The following RBPJ variants were observed in gnomAD, a reference collection of about 807,000 sequenced individuals.
RBPJ encodes the protein recombination signal binding protein for immunoglobulin kappa J region.
Under a neutral mutation model 67.8 loss-of-function variants are expected in RBPJ, and 9 were observed. That is an observed-to-expected ratio of 0.13 (90% CI 0.08 to 0.23). The LOEUF is 0.23. Among genes scored for constraint, RBPJ ranks in the 10% least tolerant of loss-of-function variants. RBPJ has a pLI of 1.00. For synonymous variants in RBPJ, 198 were observed against 203.3 expected (o/e 0.97, Z 0.22); for missense variants, 305 against 595.6 (o/e 0.51, Z 5.08).
At chr4:26,204,143 T>C (rs547045298) in intron 1 of RBPJ, among the ~76,000 whole-genome samples, 1 of 152,242 alleles carries the variant, frequency 6.6e-6, no homozygotes, top group Non-Finnish European at 1.5e-5. Flanking sequence ...TGGGGGGGTC[T>C]CACCATGTTG....
intron 1 of RBPJ, among the ~76,000 whole-genome samples, chr4:26,218,587 G>A (rs1044084547): frequency 2.0e-5 from 3 of 152,196 alleles, no homozygotes; most frequent in South Asian, 2.1e-4. Flanking sequence ...TGTTATTACT[G>A]TTGTGGCTGT....
intron 1 of RBPJ, among the ~76,000 whole-genome samples, chr4:26,265,395 A>G (rs747520508): frequency 6.6e-6 from 1 of 151,804 alleles, no homozygotes; most frequent in Non-Finnish European, 1.5e-5. Flanking sequence ...CAGGCGTGGT[A>G]GTGGGCATCT....
chr4:26,257,502 G>A (rs1459180764), intron 1 of RBPJ, among the ~76,000 whole-genome samples: 1 of 152,196 alleles, frequency 6.6e-6, no homozygotes, highest in Non-Finnish European at 1.5e-5. Context: ...GGTGGTGCAT[G>A]CCTGTAATCC....
the RBPJ span, among the ~76,000 whole-genome samples, chr4:26,116,322 G>A: frequency 6.6e-6 from 1 of 152,234 alleles, no homozygotes; most frequent in Non-Finnish European, 1.5e-5. Context: ...TCATTATATG[G>A]AATGCCCGGT....
chr4:26,134,297 G>T, the RBPJ span, among the ~76,000 whole-genome samples: 1 of 152,190 alleles, frequency 6.6e-6, no homozygotes, highest in Non-Finnish European at 1.5e-5. Flanking sequence ...CCTTTCTGCA[G>T]TTCTCATCTA....
At chr4:26,224,091 T>C (rs1033803466) in intron 1 of RBPJ, among the ~76,000 whole-genome samples, 2 of 152,202 alleles carry the variant, frequency 1.3e-5, no homozygotes, top group African/African-American at 4.8e-5. Flanking sequence ...ATTATTAGTA[T>C]TGATATTGGT....
chr4:26,367,432 T>A (rs962533071), intron 1 of RBPJ, among the ~76,000 whole-genome samples: 14 of 152,170 alleles, frequency 9.2e-5, no homozygotes, highest in Non-Finnish European at 7.3e-5. Flanking sequence ...ATCATGGCAC[T>A]ACACTCCAGC....
At chr4:26,303,879 A>T (rs1209211772) in intron 1 of RBPJ, among the ~76,000 whole-genome samples, 1 of 152,198 alleles carries the variant, frequency 6.6e-6, no homozygotes, top group Non-Finnish European at 1.5e-5. Flanking sequence ...AGTTTCATTG[A>T]GATGCACTTC....
the RBPJ span, among the ~76,000 whole-genome samples, chr4:26,145,725 G>A: frequency 2.0e-5 from 3 of 152,156 alleles, no homozygotes; most frequent in Non-Finnish European, 4.4e-5. Context: ...AGAAAAGGAC[G>A]ATTATTTAAT....
At chr4:26,256,942 C>T (rs1720361391) in intron 1 of RBPJ, among the ~76,000 whole-genome samples, 1 of 152,154 alleles carries the variant, frequency 6.6e-6, no homozygotes, top group South Asian at 2.1e-4. Flanking sequence ...TCTCATCACT[C>T]TATGCGTTTA....
intron 1 of RBPJ, among the ~76,000 whole-genome samples, chr4:26,336,969 T>TC (rs1724901229): frequency 6.6e-6 from 1 of 151,284 alleles, no homozygotes; most frequent in African/African-American, 2.4e-5. Flanking sequence ...TTGTTTAGCG[T>TC]TTTTTGTTTG....
intron 1 of RBPJ, among the ~76,000 whole-genome samples, chr4:26,325,227 C>T (rs910461946): frequency 3.3e-5 from 5 of 152,150 alleles, no homozygotes; most frequent in East Asian, 3.8e-4. Flanking sequence ...TCCTCACTGC[C>T]GAAGTTCATG....
chr4:26,348,636 A>G (rs763620843), intron 1 of RBPJ, among the ~76,000 whole-genome samples: 1 of 152,226 alleles, frequency 6.6e-6, no homozygotes, highest in Non-Finnish European at 1.5e-5. Context: ...GTATTTTGAT[A>G]AAGTTGAGGT....
rs1424086026 is a variant in RBPJ, at chr4:26,312,096, G to A, written c.-166-50350G>A. ...TTGATTTTGATGCCCACTAAGTTCTGAGGACCACAGCTCTACCAGGGCCTT... is the reference window on the plus strand; with the variant it reads ...TTGATTTTGATGCCCACTAAGTTCTAAGGACCACAGCTCTACCAGGGCCTT... On this transcript the variant is annotated intron_variant, in intron 1 of 4. Coordinates refer to the RBPJ transcript ENST00000512351. Among the ~76,000 whole-genome samples, 2 of 152,078 alleles carry A rather than the reference G, an allele frequency of 1.3e-5. 1 individual carries two copies. The highest frequency in any genetic ancestry group is 2.9e-5 in the Non-Finnish European group (2 of 68,008).
At chr4:26,229,007 A>G (rs1170868773) in intron 1 of RBPJ, among the ~76,000 whole-genome samples, 1 of 152,206 alleles carries the variant, frequency 6.6e-6, no homozygotes, top group East Asian at 1.9e-4. Context: ...AAGTCACAGG[A>G]GCCTTAGAGC....
intron 1 of RBPJ, among the ~76,000 whole-genome samples, chr4:26,347,622 A>G (rs554422066): frequency 2.0e-5 from 3 of 152,078 alleles, no homozygotes; most frequent in Non-Finnish European, 4.4e-5. Context: ...GGAGTATGCA[A>G]CTCTTTTAAG....
At chr4:26,369,986 G>A (rs1045602972) in intron 1 of RBPJ, among the ~76,000 whole-genome samples, 1 of 152,128 alleles carries the variant, frequency 6.6e-6, no homozygotes, top group African/African-American at 2.4e-5. Flanking sequence ...TTTTGAGTCA[G>A]CGAACTGGGC....
intron 1 of RBPJ, among the ~76,000 whole-genome samples, chr4:26,283,981 C>A (rs916025576): frequency 1.3e-5 from 2 of 152,008 alleles, no homozygotes; most frequent in Non-Finnish European, 2.9e-5. Flanking sequence ...GGAAGGTGTC[C>A]AAAAGATTTA....
intron 1 of RBPJ, among the ~76,000 whole-genome samples, chr4:26,361,276 C>A (rs550661147): frequency 3.3e-5 from 5 of 152,172 alleles, no homozygotes. Context: ...ATATATAATT[C>A]TGTCGCCATT....
Sources: allele counts gnomAD v4.1 joint callset (sites outside exome capture counted in the v4.1 genomes callset), GRCh38; gene constraint gnomAD v4.1.1; transcripts MANE v1.5; gene names NCBI Gene and HGNC (gene_info 2026-07-23, HGNC 2026-07-21).